Variants in STAG3 observed in about 807,000 individuals in gnomAD.
The protein encoded by STAG3 is cohesin subunit SA-3.
A neutral mutation model predicts 160.7 loss-of-function variants in STAG3; 101 were observed. The ratio of observed to expected loss-of-function variants is 0.63; its 90% CI spans 0.54 to 0.74. The LOEUF (loss-of-function observed/expected upper bound fraction) is 0.74. Ranked by LOEUF, STAG3 falls within the 30% of genes least tolerant of loss-of-function variation. STAG3 has a pLI of 0.00. For synonymous variants in STAG3, 519 were observed against 585.0 expected (o/e 0.89, Z 1.63); for missense variants, 1,188 against 1,517.4 (o/e 0.78, Z 3.61).
At position 100,204,766 on chromosome 7, in the gene STAG3, T is replaced by C. The variant is rs148231842; in HGVS notation, c.2942T>C (p.Met981Thr). The C allele has an allele frequency of 3.7e-5, 59 of 1,613,274 alleles. No homozygotes were observed. Among genetic ancestry groups the C allele is most frequent in the Non-Finnish European group, 4.7e-5 (56 of 1,179,880 alleles). ...CTGCAGAACCGTGACCTCGTGGTCATGCTACACAAGTAGGAAGTATTGGTT... is the reference window on the plus strand; with the variant it reads ...CTGCAGAACCGTGACCTCGTGGTCACGCTACACAAGTAGGAAGTATTGGTT... ...QQLQNRDLVV[M>T]LHKEGIQFSL... Residue 981 changes from methionine (M) to threonine (T), a missense_variant, in exon 27 of 34, where the codon ATG becomes ACG. Coordinates refer to ENST00000615138, the MANE Select transcript of STAG3 (RefSeq NM_001282717.2).
chr7:100,217,544 A>C (rs1418841616), downstream of STAG3, among the ~76,000 whole-genome samples: 12 of 152,340 alleles, frequency 7.9e-5, no homozygotes, highest in East Asian at 5.8e-4. Flanking sequence ...AGATAGAAGA[A>C]AAGACAGCTG....
At chr7:100,202,402 T>C (rs977521706) in intron 24 of STAG3, 52 bp from the exon 25 acceptor site, 16 of 1,609,496 alleles carry the variant, frequency 9.9e-6, no homozygotes, top group Admixed American at 1.7e-5. Flanking sequence ...CTCAGAAATA[T>C]AGGGCAGGAA....
At chr7:100,180,886 T>G (rs1275337676) in intron 2 of STAG3, 6 of 383,326 alleles carry the variant, frequency 1.6e-5, no homozygotes, top group Admixed American at 4.3e-5. Context: ...TCCTGTTTTT[T>G]TTTTTTTTTT....
In STAG3 at chr7:100,201,154, T is replaced by C. The variant is rs745887560; in HGVS notation, c.2126T>C (p.Phe709Ser). ...LAATLKRLSAFYNTHDLTRWE... is the reference protein window; with the variant it reads ...LAATLKRLSASYNTHDLTRWE... The stretch of plus-strand genomic sequence containing the variant: ...GCCACTCTGAAACGCCTCTCTGCCT[T>C]CTACAAGTGAGTGGCTTTCCTCCTC... Residue 709 changes from phenylalanine (F) to serine (S), a missense_variant, in exon 20 of 34, where the codon TTC becomes TCC. By Grantham distance (155) the Phe-to-Ser change is radical. Around this residue, in one of 4 missense-constraint regions of STAG3, gnomAD observed 647 missense variants for 717.2 expected, o/e 0.90. Coordinates refer to ENST00000615138, the MANE Select transcript of STAG3 (RefSeq NM_001282717.2). 1 of 1,614,236 alleles carries C rather than the reference T, an allele frequency of 6.2e-7. No homozygotes were observed. The highest frequency in any genetic ancestry group is 8.5e-7 in the Non-Finnish European group (1 of 1,180,046).
intron 5 of STAG3, 47 bp from the exon 6 acceptor site, chr7:100,188,406 C>A: frequency 8.2e-7 from 1 of 1,221,726 alleles, no homozygotes; most frequent in Non-Finnish European, 1.2e-6. Context: ...ATGATCAAAG[C>A]ATCCTGTTAT....
upstream of STAG3, chr7:100,177,903 C>T (rs1799369351): frequency 6.6e-6 from 1 of 152,358 alleles, no homozygotes; most frequent in South Asian, 2.1e-4. Context: ...CACAGCGTGT[C>T]TTGTACGTTC....
chr7:100,208,934 C>T (rs193232182), intron 29 of STAG3, among the ~76,000 whole-genome samples: 1 of 152,248 alleles, frequency 6.6e-6, no homozygotes, highest in East Asian at 1.9e-4. Context: ...CACTTAGGCA[C>T]ATTACAATTT....
In STAG3 at chr7:100,198,217, G is replaced by A. The variant is rs774112130; in HGVS notation, c.1244+51G>A. On this transcript the variant is annotated intron_variant, in intron 12 of 33. Coordinates refer to ENST00000615138, the MANE Select transcript of STAG3 (RefSeq NM_001282717.2). ...AGTGTCTCAGACCTTTGCCCTTCCA[G>A]GGTCATCTCCCTCCACCTGTCATAG... 3.2e-6 allele frequency: 5 copies of A among 1,553,424 alleles called. No homozygotes were observed. Among genetic ancestry groups the A allele is most frequent in the East Asian group, 2.2e-5 (1 of 44,582 alleles).
chr7:100,188,969 TC>T lies in STAG3; in HGVS notation c.669del (p.Ser224GlnfsTer17). ...GACCTCATCTCCCTGCTCACTGGCC[TC>T]TCAGACTCACAAGTCCGCGCCTTCC... ...MDDLISLLTGLSDSQVRAFRH... is the reference protein window; with the variant it reads ...MDDLISLLTGXSDSQVRAFRH... On this transcript the variant is annotated frameshift_variant, in exon 7 of 34. Transcript: ENST00000615138. LOFTEE classifies it high-confidence loss of function. 6.2e-7 allele frequency: 1 copy of T among 1,614,204 alleles called. No individual in the cohort carries two copies. The highest frequency in any genetic ancestry group is 8.5e-7 in the Non-Finnish European group (1 of 1,180,036).
At chr7:100,193,940 T>TC (rs1800506219) in intron 8 of STAG3, among the ~76,000 whole-genome samples, 1 of 79,018 alleles carries the variant, frequency 1.3e-5, no homozygotes, top group Non-Finnish European at 2.9e-5. Flanking sequence ...TAATCATTTC[T>TC]TTTTTTTTTT....
intron 2 of STAG3, chr7:100,180,965 C>T (rs528176648): frequency 1.0e-4 from 26 of 253,788 alleles, no homozygotes; most frequent in African/African-American, 4.8e-4. Flanking sequence ...CTGCAACCTC[C>T]GCCTCCTGGG....
chr7:100,218,912 A>C (rs1372112188), downstream of STAG3: 2 of 184,172 alleles, frequency 1.1e-5, no homozygotes, highest in Admixed American at 1.2e-4. Context: ...TTTGGATGGC[A>C]GAGAGAAACA....
Position 100,205,146 on chromosome 7 carries a change from G to C in STAG3, c.3080+13G>C, listed in dbSNP as rs371177158. On this transcript the variant is annotated intron_variant, in intron 28 of 33. Coordinates refer to ENST00000615138, the MANE Select transcript of STAG3 (RefSeq NM_001282717.2). ...ACAAGCAGCTTTTGTAAGTTGGTGG[G>C]TGGATAGAGATGTGGATTAGGGAAG... 6.2e-7 allele frequency: 1 copy of C among 1,613,936 alleles called. No homozygotes were observed. Among genetic ancestry groups the C allele is most frequent in the Non-Finnish European group, 8.5e-7 (1 of 1,179,968 alleles).
chr7:100,200,714 A>C, intron 18 of STAG3, 55 bp from the exon 19 acceptor site: 23 of 1,592,928 alleles, frequency 1.4e-5, no homozygotes, highest in Non-Finnish European at 1.9e-5. Context: ...TTCCCGCCAG[A>C]AGAGTGTCCT....
chr7:100,211,007 G>T lies in STAG3; in HGVS notation c.3239-4G>T, dbSNP rs1453436688. The T allele has an allele frequency of 6.2e-7, 1 of 1,611,840 alleles. No homozygotes were observed. Among genetic ancestry groups the T allele is most frequent in the Non-Finnish European group, 8.5e-7 (1 of 1,179,268 alleles). On this transcript the variant is annotated splice_polypyrimidine_tract_variant and splice_region_variant and intron_variant, in intron 29 of 33. Coordinates refer to ENST00000615138, the MANE Select transcript of STAG3 (RefSeq NM_001282717.2). ...TGTGGTTAATGTATGCATCTGCTTG[G>T]CAGGGCCTGCCAAGCCTAACAGAGA...
chr7:100,217,261 G>A (rs1802841156), downstream of STAG3, among the ~76,000 whole-genome samples: 1 of 152,220 alleles, frequency 6.6e-6, no homozygotes, highest in Non-Finnish European at 1.5e-5. Context: ...CAGCTGTGAA[G>A]GGTTCATGCC....
chr7:100,209,712 G>A (rs1430640759), intron 29 of STAG3, among the ~76,000 whole-genome samples: 1 of 152,192 alleles, frequency 6.6e-6, no homozygotes, highest in Non-Finnish European at 1.5e-5. Context: ...GGGCAATGGT[G>A]GAGGTGCCGA....
In STAG3 at chr7:100,199,619, C is replaced by A; in HGVS notation, c.1652C>A (p.Pro551His). 1 of 1,602,574 alleles carries A rather than the reference C, an allele frequency of 6.2e-7. No individual in the cohort carries two copies. ...SARQASEGHP[P>H]VGRVTGRKGL... ...CGGCAAGCTTCAGAGGGGCACCCGC[C>A]TGTGGGCCGGGTCACTGGGAGGAAG... The change falls in exon 16 of 34, where the codon CCT (proline) becomes CAT (histidine). Residue 551 changes from proline (P) to histidine (H), a missense_variant. Coordinates refer to ENST00000615138, the MANE Select transcript of STAG3 (RefSeq NM_001282717.2).
rs572518877 is a variant in STAG3 at position 100,200,355 on chromosome 7, A to C, written c.1770+27A>C. 76 of 1,613,146 alleles carry C rather than the reference A, an allele frequency of 4.7e-5. No individual in the cohort carries two copies. In the East Asian group the frequency reaches 1.6e-3, roughly 33 times the overall value. On this transcript the variant is annotated intron_variant, in intron 17 of 33. Coordinates refer to ENST00000615138, the MANE Select transcript of STAG3 (RefSeq NM_001282717.2). ...TACCGCTGCCCCTCCACTCTGCATC[A>C]CACCAAGAGAAGTGAAAGGAAATGG... is the stretch of plus-strand genomic sequence containing the variant.
Sources: gnomAD v4.1 joint callset for allele counts (sites outside exome capture counted in the v4.1 genomes callset) on GRCh38, gnomAD v4.1.1 for gene constraint, gnomAD v4.1.1 regional missense constraint, MANE v1.5 for transcripts, NCBI Gene and HGNC (gene_info 2026-07-23, HGNC 2026-07-21) for gene names.